The following CCNB3 variants were observed in gnomAD, a reference collection of about 807,000 sequenced individuals.
CCNB3 encodes G2/mitotic-specific cyclin-B3.
Under a neutral mutation model 68.0 loss-of-function variants are expected in CCNB3, and 12 were observed. That is an observed-to-expected ratio of 0.18 (90% CI 0.11 to 0.29). CCNB3 has a LOEUF of 0.29. Ranked by LOEUF, CCNB3 falls within the 10% of genes least tolerant of loss-of-function variation. CCNB3 has a pLI of 1.00. For missense variants in CCNB3, 904 were observed against 993.1 expected (o/e 0.91, Z 1.21); for synonymous variants, 354 against 388.9 (o/e 0.91, Z 1.06).
At chrX:50,302,833 C>A (rs189545950) in intron 5 of CCNB3, among the ~76,000 whole-genome samples, 5 of 112,231 alleles carry the variant, frequency 4.5e-5, no homozygotes, top group African/African-American at 1.6e-4. Context: ...TGCATATATA[C>A]AACACATTTG....
chrX:50,222,901 C>T (rs991445372), intron 1 of CCNB3, among the ~76,000 whole-genome samples: 13 of 111,545 alleles, frequency 1.2e-4, no homozygotes, highest in African/African-American at 2.6e-4. Context: ...TTCAGGTACA[C>T]GAATCAAACG....
intron 4 of CCNB3, among the ~76,000 whole-genome samples, chrX:50,293,081 A>G (rs1936378100): frequency 8.9e-6 from 1 of 112,087 alleles, no homozygotes; most frequent in African/African-American, 3.2e-5. Context: ...ATATATGTGT[A>G]TAACTGGTTC....
intron 3 of CCNB3, among the ~76,000 whole-genome samples, chrX:50,286,488 CGG>C (rs1444659830): frequency 9.1e-6 from 1 of 110,218 alleles, no homozygotes; most frequent in East Asian, 2.9e-4. Context: ...TTAGTAGAGA[CGG>C]GGTTTCACCA....
chrX:50,218,401 A>C (rs1450316478), intron 1 of CCNB3, among the ~76,000 whole-genome samples: 9 of 111,180 alleles, frequency 8.1e-5, no homozygotes, highest in African/African-American at 2.9e-4. Context: ...CATCTACATT[A>C]GGTATTTCTC....
At chrX:50,203,359 G>A (rs1011377748), upstream of CCNB3, among the ~76,000 whole-genome samples, 1 of 112,302 alleles carries the variant, frequency 8.9e-6, no homozygotes, top group Non-Finnish European at 1.9e-5. Flanking sequence ...CTGTCTGTCT[G>A]GTAGTCTTGC....
chrX:50,301,749 A>T (rs1315051978), intron 5 of CCNB3, among the ~76,000 whole-genome samples: 18 of 112,965 alleles, frequency 1.6e-4, no homozygotes, highest in Non-Finnish European at 1.1e-4. Flanking sequence ...CTACAGAGGC[A>T]GGCAGGCCTC....
At chrX:50,227,512 T>G (rs1377018690) in intron 1 of CCNB3, among the ~76,000 whole-genome samples, 2 of 74,978 alleles carry the variant, frequency 2.7e-5, no homozygotes, top group Non-Finnish European at 4.9e-5. Flanking sequence ...AATATATGTA[T>G]AAATATATAT....
intron 1 of CCNB3, among the ~76,000 whole-genome samples, chrX:50,215,845 A>C (rs1187561434): frequency 9.1e-6 from 1 of 109,899 alleles, no homozygotes; most frequent in Non-Finnish European, 1.9e-5. Context: ...TAATGTATGC[A>C]TGATATATCT....
At chrX:50,334,474 T>A (rs1257656835) in intron 8 of CCNB3, among the ~76,000 whole-genome samples, 5 of 112,691 alleles carry the variant, frequency 4.4e-5, no homozygotes, top group Non-Finnish European at 7.5e-5. Context: ...ATTCAGGTTT[T>A]GCCCAAGGGT....
At chrX:50,228,821 A>G (rs1382178892) in intron 1 of CCNB3, among the ~76,000 whole-genome samples, 3 of 53,723 alleles carry the variant, frequency 5.6e-5, no homozygotes, top group African/African-American at 7.4e-5. Flanking sequence ...ATATATATAT[A>G]GAATATATAT....
At chrX:50,313,709 C>T in intron 7 of CCNB3, 147 bp from the exon 8 acceptor site, 1 of 410,518 alleles carries the variant, frequency 2.4e-6, no homozygotes, top group Non-Finnish European at 4.2e-6. Flanking sequence ...CTGCAACTTG[C>T]CTGGAAAAGG....
intron 1 of CCNB3, among the ~76,000 whole-genome samples, chrX:50,226,201 AAT>A (rs1470386247): frequency 4.6e-5 from 3 of 65,817 alleles, no homozygotes; most frequent in Non-Finnish European, 7.3e-5. Flanking sequence ...ATATATATAG[AAT>A]ATATATATTT....
At chrX:50,300,667 T>C (rs1263256176) in intron 5 of CCNB3, among the ~76,000 whole-genome samples, 5 of 111,583 alleles carry the variant, frequency 4.5e-5, no homozygotes, top group South Asian at 7.5e-4. Context: ...TTTCCTGAAT[T>C]TGAATGTTGG....
chrX:50,292,176 T>C (rs1936360254), intron 4 of CCNB3, among the ~76,000 whole-genome samples: 1 of 111,491 alleles, frequency 9.0e-6, no homozygotes, highest in Non-Finnish European at 1.9e-5. Flanking sequence ...AGCAGTTTTG[T>C]GTAATCAATC....
Position 50,308,535 on chromosome X carries a change from C to A in CCNB3, c.366C>A (p.Ala122=), listed in dbSNP as rs782341607. ...AGCTGGAAGTCACACCAGTAGTAGC[C>A]TCTACTACCGTGGTACCAAACATTA... ...WHKLEVTPVV[A]STTVVPNIME... The change falls in exon 6 of 13, where the codon GCC becomes GCA. Residue 122 remains alanine, a synonymous_variant. Transcript: ENST00000376042. 1 of 1,201,689 alleles carries A rather than the reference C, an allele frequency of 8.3e-7. No homozygotes were observed. Among genetic ancestry groups the A allele is most frequent in the African/African-American group, 1.7e-5 (1 of 57,568 alleles).
rs1411092639 is a variant in CCNB3, at chrX:50,350,697, CT to C, written c.3961-530del. On this transcript the variant is annotated intron_variant, in intron 11 of 12. Coordinates refer to ENST00000376042, the MANE Select transcript of CCNB3 (RefSeq NM_033031.3). ...GAACATCTGTGACCAGGGCTAATAT[CT>C]TTTTTTTTTTTTTAAGAGATAGGGT... Among the ~76,000 whole-genome samples, 248 of 99,280 alleles carry C rather than the reference CT, an allele frequency of 2.5e-3. 1 individual carries two copies. Among genetic ancestry groups the C allele is most frequent in the South Asian group, 2.7e-3 (6 of 2,195 alleles). The allele number at this position is 99,280 out of a possible 115,157, so 86.2% of individuals were successfully genotyped here. A position where few individuals can be genotyped will look rare whatever the true frequency, so the allele number is the denominator to read the frequency against.
At position 50,281,553 on chromosome X, in the gene CCNB3, G is replaced by C. The variant is rs780114294; in HGVS notation, c.-112-2989G>C. 3.6e-5 allele frequency among the ~76,000 whole-genome samples: 4 copies of C among 111,016 alleles called. No homozygotes were observed. In the Admixed American group the frequency reaches 3.9e-4, roughly 11 times the overall value. On this transcript the variant is annotated intron_variant, in intron 1 of 12. Transcript: ENST00000376042. ...GCTGAATTCTGTTGCTGGGATGCGC[G>C]GCGTTCCTGTAAGGAAACTTTTCAA...
In CCNB3 at chrX:50,291,313, A is replaced by T. The variant is rs782231657; in HGVS notation, c.204+2426A>T. Among the ~76,000 whole-genome samples the T allele has an allele frequency of 1.2e-4, 13 of 110,492 alleles. No homozygotes were observed. In the South Asian group the frequency reaches 3.4e-3, roughly 29 times the overall value. On this transcript the variant is annotated intron_variant, in intron 4 of 12. Coordinates refer to ENST00000376042, the MANE Select transcript of CCNB3 (RefSeq NM_033031.3). ...TTTATTTATATATGTTATTTTATTT[A>T]TTTTTTTTGAGATAAAGTCTTGCTC... is the stretch of plus-strand genomic sequence containing the variant.
chrX:50,327,202 A>T (rs1557217412), intron 8 of CCNB3, among the ~76,000 whole-genome samples: 1 of 112,154 alleles, frequency 8.9e-6, no homozygotes, highest in African/African-American at 3.2e-5. Flanking sequence ...TTGGAGCCTG[A>T]TGCTGAGAGG....
Sources: gnomAD v4.1 joint callset for allele counts (sites outside exome capture counted in the v4.1 genomes callset) on GRCh38, gnomAD v4.1.1 for gene constraint, MANE v1.5 for transcripts, NCBI Gene and HGNC (gene_info 2026-07-23, HGNC 2026-07-21) for gene names.